Variants in FER observed in about 807,000 individuals in gnomAD.
The protein encoded by FER is FER tyrosine kinase, also known as tyrosine-protein kinase Fer.
A neutral mutation model predicts 111.0 loss-of-function variants in FER; 63 were observed. The ratio of observed to expected loss-of-function variants is 0.57; its 90% CI spans 0.46 to 0.70. FER has a LOEUF of 0.70. FER is among the 30% of genes least tolerant of loss of function. FER has a pLI of 0.00. For missense variants in FER, 914 were observed against 954.0 expected (o/e 0.96, Z 0.55); for synonymous variants, 327 against 313.9 (o/e 1.04, Z -0.44).
At chr5:108,844,987 T>A in intron 5 of FER, among the ~76,000 whole-genome samples, 1 of 37,236 alleles carries the variant, frequency 2.7e-5, no homozygotes, top group African/African-American at 1.8e-4. Flanking sequence ...ATTGCTGGTG[T>A]GTGTGTGTGT....
intron 13 of FER, among the ~76,000 whole-genome samples, chr5:108,977,762 C>T (rs908709686): frequency 6.6e-6 from 1 of 152,182 alleles, no homozygotes; most frequent in African/African-American, 2.4e-5. Context: ...AGATTTGTTA[C>T]CTGCTCTATT....
intron 3 of FER, among the ~76,000 whole-genome samples, chr5:108,818,421 CAG>C (rs1440067585): frequency 1.3e-5 from 2 of 152,062 alleles, no homozygotes; most frequent in African/African-American, 4.8e-5. Context: ...ACCTGGGTGA[CAG>C]AGCAAGACTT....
rs1460707753 is a variant in FER at position 108,844,085 on chromosome 5, CGT to C, written c.481+8282_481+8283del. ...ATATATATGTGTGTGAACATATATG[CGT>C]GTGAACATATGTGTGTGAACATGTG... On this transcript the variant is annotated intron_variant, in intron 5 of 19. Coordinates refer to ENST00000281092, the MANE Select transcript of FER (RefSeq NM_005246.4). 4.9e-3 allele frequency among the ~76,000 whole-genome samples: 390 copies of C among 79,320 alleles called. 12 individuals carry two copies. The highest frequency in any genetic ancestry group is 8.6e-3 in the Non-Finnish European group (307 of 35,664). 52.0% of individuals were successfully genotyped at this position (79,320 alleles called of 152,430 possible).
chr5:109,106,794 G>A (rs574817754), intron 17 of FER, among the ~76,000 whole-genome samples: 2 of 152,262 alleles, frequency 1.3e-5, no homozygotes, highest in East Asian at 3.9e-4. Context: ...AGACACATGT[G>A]TAATATGTTT....
chr5:108,784,925 T>G lies in FER; in HGVS notation c.-59-13199T>G, dbSNP rs113580386. 4.0e-4 allele frequency: 72 copies of G among 178,932 alleles called. 1 individual carries two copies. Among genetic ancestry groups the G allele is most frequent in the Middle Eastern group, 4.8e-3 (2 of 418 alleles). 11.1% of individuals were successfully genotyped at this position (178,932 alleles called of 1,614,324 possible). The stretch of plus-strand genomic sequence containing the variant: ...TATAGCATGGGAGTCATGGCCATCA[T>G]GAACATATCACAGTGCTGCAGAGAT... On this transcript the variant is annotated intron_variant, in intron 2 of 19. Coordinates refer to ENST00000281092, the MANE Select transcript of FER (RefSeq NM_005246.4).
intron 17 of FER, among the ~76,000 whole-genome samples, chr5:109,167,304 A>G (rs1202009542): frequency 6.6e-6 from 1 of 152,168 alleles, no homozygotes; most frequent in South Asian, 2.1e-4. Flanking sequence ...AAAACTCCAA[A>G]GTAAATTGGA....
chr5:108,937,751 A>G (rs148356566), intron 10 of FER, among the ~76,000 whole-genome samples: 8 of 151,902 alleles, frequency 5.3e-5, no homozygotes, highest in African/African-American at 1.7e-4. Context: ...TGTCTGTTAG[A>G]TTGGTGAAAT....
At chr5:108,827,682 TG>T (rs764916287) in intron 3 of FER, among the ~76,000 whole-genome samples, 3 of 151,508 alleles carry the variant, frequency 2.0e-5, no homozygotes, top group Non-Finnish European at 4.4e-5. Flanking sequence ...CTTGTCTTTT[TG>T]TTGTTGTGCT....
intron 16 of FER, among the ~76,000 whole-genome samples, chr5:109,081,196 C>T (rs1225357056): frequency 1.3e-5 from 2 of 152,000 alleles, no homozygotes; most frequent in Non-Finnish European, 2.9e-5. Flanking sequence ...TGAGAAAAGA[C>T]GATCTGCAAG....
At chr5:108,987,835 A>G (rs954682538) in intron 13 of FER, among the ~76,000 whole-genome samples, 8 of 152,032 alleles carry the variant, frequency 5.3e-5, no homozygotes, top group African/African-American at 1.9e-4. Flanking sequence ...ACTATGTTGA[A>G]TGGAAGTGGT....
intron 5 of FER, among the ~76,000 whole-genome samples, chr5:108,856,368 G>A (rs1409860804): frequency 6.6e-6 from 1 of 151,994 alleles, no homozygotes; most frequent in Non-Finnish European, 1.5e-5. Flanking sequence ...TTTTCCTCCA[G>A]AGGCAACAGA....
At chr5:108,776,660 GTATT>G (rs1358330276) in intron 2 of FER, among the ~76,000 whole-genome samples, 1 of 152,052 alleles carries the variant, frequency 6.6e-6, no homozygotes, top group Non-Finnish European at 1.5e-5. Flanking sequence ...TAAAAACTGT[GTATT>G]TATAGATTTA....
chr5:108,821,902 A>G (rs1758887027), intron 3 of FER, among the ~76,000 whole-genome samples: 1 of 152,148 alleles, frequency 6.6e-6, no homozygotes, highest in African/African-American at 2.4e-5. Context: ...AAAGTGTATA[A>G]TAAATTATTA....
At chr5:109,112,983 G>A (rs1263613224) in intron 17 of FER, among the ~76,000 whole-genome samples, 1 of 152,036 alleles carries the variant, frequency 6.6e-6, no homozygotes, top group African/African-American at 2.4e-5. Flanking sequence ...ATGCCCTCTC[G>A]AGTCATCTGT....
intron 10 of FER, among the ~76,000 whole-genome samples, chr5:108,936,683 T>C (rs1432428666): frequency 6.6e-6 from 1 of 152,038 alleles, no homozygotes; most frequent in Non-Finnish European, 1.5e-5. Flanking sequence ...TATTTGGTAA[T>C]TGGTAATGTT....
intron 17 of FER, among the ~76,000 whole-genome samples, chr5:109,143,461 T>C (rs1268695896): frequency 6.6e-6 from 1 of 152,106 alleles, no homozygotes; most frequent in African/African-American, 2.4e-5. Context: ...GACCTGTTTT[T>C]CATGTCAGAC....
chr5:108,956,220 G>T (rs899836709), intron 12 of FER, among the ~76,000 whole-genome samples: 2 of 151,472 alleles, frequency 1.3e-5, no homozygotes, highest in African/African-American at 4.8e-5. Context: ...TTTAAGTTAT[G>T]AATTTAGATA....
chr5:108,852,741 C>T (rs1348362049), intron 5 of FER, among the ~76,000 whole-genome samples: 1 of 151,986 alleles, frequency 6.6e-6, no homozygotes, highest in Non-Finnish European at 1.5e-5. Flanking sequence ...GGAATGAATG[C>T]TTTTTGCTGC....
intron 13 of FER, among the ~76,000 whole-genome samples, chr5:108,993,140 G>C (rs888038353): frequency 7.2e-5 from 11 of 152,036 alleles, no homozygotes; most frequent in African/African-American, 2.7e-4. Flanking sequence ...ACGGGGTGGC[G>C]GCCGGGCAGA....
Sources: allele counts gnomAD v4.1 joint callset (sites outside exome capture counted in the v4.1 genomes callset), GRCh38; gene constraint gnomAD v4.1.1; transcripts MANE v1.5; gene names NCBI Gene and HGNC (gene_info 2026-07-23, HGNC 2026-07-21).